Variants in NSD1 observed in about 807,000 individuals in gnomAD.
NSD1 encodes nuclear receptor binding SET domain protein 1.
Under a neutral mutation model 242.7 loss-of-function variants are expected in NSD1, and 26 were observed. That is an observed-to-expected ratio of 0.11 (90% CI 0.08 to 0.15). The LOEUF (loss-of-function observed/expected upper bound fraction) is 0.15. Among genes scored for constraint, NSD1 ranks in the 10% least tolerant of loss-of-function variants. The probability of loss-of-function intolerance (pLI) is 1.00; values close to 1 mark genes in which losing one functional copy is unlikely to be tolerated. For synonymous variants in NSD1, 1,106 were observed against 1,178.1 expected (o/e 0.94, Z 1.25); for missense variants, 2,495 against 3,272.8 (o/e 0.76, Z 5.80).
chr5:177,207,593 A>ATTTATTTTTTTTTTTTTTTTTTTTT (rs1762985255), intron 4 of NSD1, among the ~76,000 whole-genome samples: 1 of 78,218 alleles, frequency 1.3e-5, no homozygotes, highest in African/African-American at 7.1e-5. Context: ...ATTTATTTAA[A>ATTTATTTTTTTTTTTTTTTTTTTTT]TTTTTTTTTT....
intron 2 of NSD1, among the ~76,000 whole-genome samples, chr5:177,150,606 A>G (rs913455398): frequency 7.4e-5 from 11 of 149,006 alleles, no homozygotes; most frequent in African/African-American, 9.7e-5. Flanking sequence ...ATAAAATACC[A>G]TAATGCTCTT....
At chr5:177,162,981 T>A (rs1339206379) in intron 2 of NSD1, among the ~76,000 whole-genome samples, 1 of 152,018 alleles carries the variant, frequency 6.6e-6, no homozygotes, top group Non-Finnish European at 1.5e-5. Context: ...GGCTAATTTT[T>A]AAAAAATGTT....
chr5:177,136,802 T>C, intron 2 of NSD1: 1 of 595,648 alleles, frequency 1.7e-6, no homozygotes, highest in South Asian at 2.0e-5. Context: ...TCTAGTTTTG[T>C]TTTGTTTTAT....
chr5:177,142,312 A>C (rs1201177598), intron 2 of NSD1, among the ~76,000 whole-genome samples: 3 of 152,206 alleles, frequency 2.0e-5, no homozygotes, highest in African/African-American at 7.2e-5. Flanking sequence ...ATAAAAAATA[A>C]AAAAATTAAA....
At chr5:177,235,502 A>G (rs1765374546) in intron 5 of NSD1, among the ~76,000 whole-genome samples, 1 of 152,186 alleles carries the variant, frequency 6.6e-6, no homozygotes. Context: ...TTTGTTAGGT[A>G]TATATTAGCT....
At chr5:177,192,201 GT>G (rs879690428) in intron 3 of NSD1, among the ~76,000 whole-genome samples, 182 bp downstream of exon 3, 29 of 144,898 alleles carry the variant, frequency 2.0e-4, no homozygotes, top group East Asian at 4.0e-4. Context: ...CCTTCTCTCA[GT>G]TTTTTTTTTT....
At chr5:177,242,971 T>A (rs756562889) in intron 8 of NSD1, among the ~76,000 whole-genome samples, 1 of 152,138 alleles carries the variant, frequency 6.6e-6, no homozygotes, top group Non-Finnish European at 1.5e-5. Flanking sequence ...GTGGGTGAGG[T>A]GAATAAAATG....
At chr5:177,208,948 A>G (rs1210135731) in intron 4 of NSD1, among the ~76,000 whole-genome samples, 2 of 152,000 alleles carry the variant, frequency 1.3e-5, no homozygotes, top group Non-Finnish European at 2.9e-5. Context: ...CGTCCTCCTC[A>G]GCCTCTGAAA....
At position 177,239,785 on chromosome 5, in the gene NSD1, C is replaced by A. The variant is rs761492787; in HGVS notation, c.4222C>A (p.Pro1408Thr). Reference protein sequence around the residue: ...GNYESKRQRKPTKKLLESNDL... With the variant: ...GNYESKRQRKTTKKLLESNDL... ...TTATGAAAGTAAACGTCAAAGAAAA[C>A]CAACTAAGAAACTTCTTGAATCCAA... Residue 1408 changes from proline (P) to threonine (T), a missense_variant, in exon 8 of 23, where the codon CCA (proline) becomes ACA (threonine). Pro to Thr is a conservative substitution (Grantham distance 38). Around this residue, in one of 19 missense-constraint regions of NSD1, gnomAD observed 100 missense variants for 190.7 expected, o/e 0.52. Transcript: ENST00000439151. 6.2e-7 allele frequency: 1 copy of A among 1,611,784 alleles called. No homozygotes were observed. The highest frequency in any genetic ancestry group is 8.5e-7 in the Non-Finnish European group (1 of 1,178,196).
At chr5:177,287,694 A>G (rs148267501) in intron 20 of NSD1, among the ~76,000 whole-genome samples, 55 of 152,308 alleles carry the variant, frequency 3.6e-4, no homozygotes, top group African/African-American at 1.3e-3. Flanking sequence ...GAAAGATTCA[A>G]TCCAGTTAAG....
chr5:177,141,658 G>A (rs568558021), intron 2 of NSD1, among the ~76,000 whole-genome samples: 2 of 151,714 alleles, frequency 1.3e-5, no homozygotes, highest in Non-Finnish European at 2.9e-5. Flanking sequence ...CCTTTTTTGC[G>A]TCCTTGTTCT....
upstream of NSD1, chr5:177,133,294 C>G (rs1755994720): frequency 6.5e-6 from 1 of 152,702 alleles, no homozygotes; most frequent in Non-Finnish European, 1.5e-5. The surrounding 1 kb of genome is among the most constrained non-coding windows in gnomAD (Gnocchi z 6.2). Flanking sequence ...GCAGGGCTGG[C>G]GGGACGATCG....
chr5:177,168,232 G>C (rs1294608349), intron 2 of NSD1, among the ~76,000 whole-genome samples: 1 of 152,084 alleles, frequency 6.6e-6, no homozygotes, highest in Non-Finnish European at 1.5e-5. Context: ...GGTACAAACA[G>C]TTGTTAATTC....
At chr5:177,202,599 G>A (rs1262844793) in intron 3 of NSD1, among the ~76,000 whole-genome samples, 2 of 151,988 alleles carry the variant, frequency 1.3e-5, no homozygotes, top group African/African-American at 4.8e-5. Context: ...GGCTGGTCTC[G>A]AACTCCTGGG....
chr5:177,295,847 G>A lies in NSD1; in HGVS notation c.*388G>A. 4.8e-6 allele frequency: 2 copies of A among 413,368 alleles called. No individual in the cohort carries two copies. Among genetic ancestry groups the A allele is most frequent in the Admixed American group, 7.4e-5 (2 of 27,018 alleles). The allele number at this position is 413,368 out of a possible 1,614,324, so 25.6% of individuals were successfully genotyped here. A position where few individuals can be genotyped will look rare whatever the true frequency, so the allele number is the denominator to read the frequency against. On this transcript the variant is annotated 3_prime_UTR_variant, in exon 23 of 23. Transcript: ENST00000439151. This position sits in a 1 kb window ranked among gnomAD's most constrained non-coding sequence, Gnocchi z 4.3. ...CCCAACCAGACAGAGCCCCATTGAG[G>A]GCACCTAGGAACCCTTGGGAGGAAA... is the stretch of plus-strand genomic sequence containing the variant.
At chr5:177,147,412 C>G (rs1318648685) in intron 2 of NSD1, among the ~76,000 whole-genome samples, 1 of 151,984 alleles carries the variant, frequency 6.6e-6, no homozygotes, top group Non-Finnish European at 1.5e-5. Flanking sequence ...TGGCCTAGCC[C>G]CTCCATCTCT....
rs1232672187 is a variant in NSD1, at chr5:177,273,798, C to T, written c.5622+14C>T. The T allele has an allele frequency of 6.6e-7, 1 of 1,521,396 alleles. No individual in the cohort carries two copies. Among genetic ancestry groups the T allele is most frequent in the African/African-American group, 1.4e-5 (1 of 73,122 alleles). The allele number at this position is 1,521,396 out of a possible 1,614,324, so 94.2% of individuals were successfully genotyped here. On this transcript the variant is annotated intron_variant, in intron 17 of 22. Transcript: ENST00000439151. ...AAACATATAAAGGTGAGGAGAAAAT[C>T]TTGGGGGACCTTCTCTAGAAGAGAA...
At chr5:177,185,215 C>T (rs1008467724) in intron 2 of NSD1, among the ~76,000 whole-genome samples, 4 of 152,076 alleles carry the variant, frequency 2.6e-5, no homozygotes, top group Non-Finnish European at 4.4e-5. Context: ...TGCCTGTAAT[C>T]CCAGTACTTT....
At chr5:177,159,721 T>C (rs1420454787) in intron 2 of NSD1, among the ~76,000 whole-genome samples, 1 of 150,310 alleles carries the variant, frequency 6.7e-6, no homozygotes, top group Non-Finnish European at 1.5e-5. Context: ...GCCTCCCGAG[T>C]AGCTGGGATT....
Sources: allele counts gnomAD v4.1 joint callset (sites outside exome capture counted in the v4.1 genomes callset), GRCh38; gene constraint gnomAD v4.1.1; regional missense constraint gnomAD v4.1.1; non-coding constraint Gnocchi (gnomAD v3.1); transcripts MANE v1.5; gene names NCBI Gene and HGNC (gene_info 2026-07-23, HGNC 2026-07-21).